Variants in EYS observed in about 807,000 individuals in gnomAD.
EYS encodes EGF-like photoreceptor maintenance factor, also known as protein eyes shut homolog.
Under a neutral mutation model 282.1 loss-of-function variants are expected in EYS, and 250 were observed. The observed-to-expected ratio is 0.89, with a 90% CI of 0.80 to 0.98. EYS has a LOEUF of 0.98. EYS is among the 50% of genes least tolerant of loss of function. EYS has a pLI of 0.00. For missense variants in EYS, 4,016 were observed against 3,709.0 expected (o/e 1.08, Z -2.15); for synonymous variants, 1,355 against 1,282.9 (o/e 1.06, Z -1.20).
chr6:64,716,768 T>G (rs1032414903), intron 22 of EYS, among the ~76,000 whole-genome samples: 1 of 152,100 alleles, frequency 6.6e-6, no homozygotes, highest in Non-Finnish European at 1.5e-5. Flanking sequence ...ACGTTGATAT[T>G]TTTTTTTCTT....
chr6:65,101,696 T>A (rs1311974009), intron 12 of EYS, among the ~76,000 whole-genome samples: 1 of 151,230 alleles, frequency 6.6e-6, no homozygotes, highest in African/African-American at 2.4e-5. Context: ...GCTTTCTGAC[T>A]TGGAGTCACA....
rs145992165 is a variant in EYS, at chr6:63,800,128, A to G, written c.7411+6062T>C. 3.5e-3 allele frequency among the ~76,000 whole-genome samples: 540 copies of G among 152,292 alleles called. 1 individual carries two copies. Among genetic ancestry groups the G allele is most frequent in the Non-Finnish European group, 5.9e-3 (398 of 68,002 alleles). On this transcript the variant is annotated intron_variant, in intron 37 of 42. Coordinates refer to ENST00000503581, the MANE Select transcript of EYS (RefSeq NM_001142800.2). ...TCTGTTCTCTGACGGTTCTCACTGGATGAGATTTCTACTTTCTGACTTCCA... is the reference window on the plus strand; with the variant it reads ...TCTGTTCTCTGACGGTTCTCACTGGGTGAGATTTCTACTTTCTGACTTCCA...
At chr6:63,781,344 T>C (rs1331288011) in intron 39 of EYS, among the ~76,000 whole-genome samples, 1 of 152,190 alleles carries the variant, frequency 6.6e-6, no homozygotes, top group Non-Finnish European at 1.5e-5. Context: ...TTGGGCAGTA[T>C]GGCCATTTTC....
At chr6:64,756,581 T>A (rs1489810375) in intron 22 of EYS, among the ~76,000 whole-genome samples, 2 of 152,168 alleles carry the variant, frequency 1.3e-5, no homozygotes, top group East Asian at 1.9e-4. Flanking sequence ...ACCTTTCATG[T>A]TTTAAAGGAC....
intron 2 of EYS, among the ~76,000 whole-genome samples, chr6:65,637,228 A>C (rs911436014): frequency 6.6e-6 from 1 of 152,196 alleles, no homozygotes; most frequent in Non-Finnish European, 1.5e-5. Context: ...TTTTTTAGTA[A>C]GTTTCTGGTG....
chr6:64,787,458 T>C (rs1247290256), intron 22 of EYS, among the ~76,000 whole-genome samples: 2 of 151,942 alleles, frequency 1.3e-5, no homozygotes, highest in Non-Finnish European at 2.9e-5. Context: ...AACTTTGTTT[T>C]TTTTTCTCTA....
intron 22 of EYS, among the ~76,000 whole-genome samples, chr6:64,790,717 C>T (rs1314390889): frequency 6.6e-6 from 1 of 151,802 alleles, no homozygotes; most frequent in Non-Finnish European, 1.5e-5. Flanking sequence ...TTATTCTCAT[C>T]TGTTTCTTAC....
At chr6:64,330,036 G>A (rs756531407) in intron 29 of EYS, among the ~76,000 whole-genome samples, 1 of 152,114 alleles carries the variant, frequency 6.6e-6, no homozygotes, top group Non-Finnish European at 1.5e-5. Context: ...GGAAGCACTA[G>A]CCCAGACCTG....
intron 31 of EYS, among the ~76,000 whole-genome samples, chr6:64,107,304 T>TAA (rs1371085773): frequency 7.4e-6 from 1 of 134,542 alleles, no homozygotes; most frequent in African/African-American, 3.0e-5. Context: ...TATATATATA[T>TAA]ATATATATAT....
intron 22 of EYS, among the ~76,000 whole-genome samples, chr6:64,683,106 G>C (rs114943015): frequency 1.5e-3 from 225 of 152,344 alleles, no homozygotes; most frequent in African/African-American, 5.2e-3. Context: ...AGGGAAGGCA[G>C]AGTTTAGAGT....
At chr6:63,870,161 G>A (rs1396920405) in intron 35 of EYS, among the ~76,000 whole-genome samples, 1 of 152,110 alleles carries the variant, frequency 6.6e-6, no homozygotes, top group African/African-American at 2.4e-5. Flanking sequence ...AAGGCTAGAA[G>A]AGTTGGTATG....
intron 19 of EYS, among the ~76,000 whole-genome samples, chr6:64,865,501 C>T (rs1289882270): frequency 1.3e-5 from 2 of 151,916 alleles, no homozygotes; most frequent in Non-Finnish European, 2.9e-5. Context: ...TTACAGGAAA[C>T]AAACAAAATA....
intron 19 of EYS, among the ~76,000 whole-genome samples, chr6:64,835,568 A>C (rs1021060550): frequency 2.0e-5 from 3 of 151,710 alleles, no homozygotes; most frequent in African/African-American, 7.2e-5. Context: ...TGTACTAGGT[A>C]AGCACTGGTG....
At chr6:64,238,450 T>C (rs1462974670) in intron 30 of EYS, among the ~76,000 whole-genome samples, 1 of 152,152 alleles carries the variant, frequency 6.6e-6, no homozygotes, top group Non-Finnish European at 1.5e-5. Context: ...ATGGATGAAT[T>C]ATATAGCGGT....
chr6:64,125,154 G>GTCTC (rs112304740), intron 31 of EYS, among the ~76,000 whole-genome samples: 97 of 145,328 alleles, frequency 6.7e-4, no homozygotes, highest in East Asian at 4.7e-3. Flanking sequence ...CACACTCTCT[G>GTCTC]TCTCTCTCTC....
intron 12 of EYS, among the ~76,000 whole-genome samples, chr6:65,091,162 G>A (rs749038212): frequency 2.1e-4 from 32 of 151,136 alleles, no homozygotes; most frequent in Admixed American, 1.1e-3. Context: ...TGCCAGGCAC[G>A]GTGGCTTAAG....
chr6:63,981,754 G>T (rs751987179), intron 35 of EYS, among the ~76,000 whole-genome samples: 15 of 151,824 alleles, frequency 9.9e-5, no homozygotes, highest in Admixed American at 3.9e-4. Flanking sequence ...GATAATGTAC[G>T]TGATGAAGAC....
chr6:65,194,437 T>C (rs1765716484), intron 12 of EYS, among the ~76,000 whole-genome samples: 1 of 151,984 alleles, frequency 6.6e-6, no homozygotes, highest in Non-Finnish European at 1.5e-5. Flanking sequence ...AATACTAATG[T>C]ATTATTTATA....
intron 14 of EYS, among the ~76,000 whole-genome samples, chr6:64,989,573 T>G (rs188073748): frequency 0.014 from 2,013 of 139,018 alleles, 47 homozygotes; most frequent in African/African-American, 0.05. Context: ...TTAAGAACTA[T>G]GTAATGTATA....
Sources: allele counts gnomAD v4.1 joint callset (sites outside exome capture counted in the v4.1 genomes callset), GRCh38; gene constraint gnomAD v4.1.1; transcripts MANE v1.5; gene names NCBI Gene and HGNC (gene_info 2026-07-23, HGNC 2026-07-21).